MFHAS1: variants seen among roughly 807,000 people sequenced by gnomAD.
The protein encoded by MFHAS1 is multifunctional ROCO family signaling regulator 1, also known as malignant fibrous histiocytoma-amplified sequence 1.
A neutral mutation model predicts 70.4 loss-of-function variants in MFHAS1; 50 were observed. The ratio of observed to expected loss-of-function variants is 0.71; its 90% confidence interval spans 0.57 to 0.90. The LOEUF (loss-of-function observed/expected upper bound fraction) is 0.90. MFHAS1 is among the 40% of genes least tolerant of loss of function. MFHAS1 has a pLI of 0.00. For missense variants in MFHAS1, 1,795 were observed against 1,347.6 expected (o/e 1.33, Z -5.20); for synonymous variants, 952 against 620.0 (o/e 1.54, Z -7.96).
chr8:8,809,864 T>C (rs989557284), intron 1 of MFHAS1, among the ~76,000 whole-genome samples: 1 of 152,234 alleles, frequency 6.6e-6, no homozygotes, highest in Non-Finnish European at 1.5e-5. Context: ...TACTTCTTAC[T>C]GGAAAATGGT....
chr8:8,863,352 G>A (rs1459749715), intron 1 of MFHAS1, among the ~76,000 whole-genome samples: 1 of 152,292 alleles, frequency 6.6e-6, no homozygotes, highest in East Asian at 1.9e-4. Context: ...AACTGATGCT[G>A]TTACTCCCTC....
chr8:8,879,072 G>A (rs887323514), intron 1 of MFHAS1, among the ~76,000 whole-genome samples: 2 of 152,138 alleles, frequency 1.3e-5, no homozygotes, highest in Non-Finnish European at 2.9e-5. Context: ...ACTACTGCCA[G>A]GCATGGTGAC....
intron 1 of MFHAS1, among the ~76,000 whole-genome samples, chr8:8,854,453 C>T (rs1163843992): frequency 1.3e-5 from 2 of 151,792 alleles, no homozygotes; most frequent in Admixed American, 6.6e-5. Flanking sequence ...CCCGGGAGGC[C>T]GTACTTGCAG....
chr8:8,828,742 A>G (rs1331096589), intron 1 of MFHAS1, among the ~76,000 whole-genome samples: 4 of 152,252 alleles, frequency 2.6e-5, no homozygotes, highest in Non-Finnish European at 5.9e-5. Context: ...TTATCTGTGC[A>G]GTCCTCACGG....
At chr8:8,843,869 A>AT (rs1176763856) in intron 1 of MFHAS1, among the ~76,000 whole-genome samples, 1 of 152,248 alleles carries the variant, frequency 6.6e-6, no homozygotes, top group Non-Finnish European at 1.5e-5. Flanking sequence ...TGAAGAATTA[A>AT]TTACCTCTGT....
intron 1 of MFHAS1, among the ~76,000 whole-genome samples, chr8:8,875,164 T>G (rs146830004): frequency 6.6e-6 from 1 of 152,128 alleles, no homozygotes; most frequent in African/African-American, 2.4e-5. Context: ...TAAACGTGCA[T>G]TGAGATTTAA....
intron 1 of MFHAS1, among the ~76,000 whole-genome samples, chr8:8,852,051 C>T (rs561706985): frequency 5.8e-4 from 89 of 152,256 alleles, no homozygotes; most frequent in African/African-American, 2.0e-3. Flanking sequence ...GGTGGAATGC[C>T]GGCTTCCATT....
intron 1 of MFHAS1, among the ~76,000 whole-genome samples, chr8:8,838,502 A>C (rs1807688038): frequency 6.6e-6 from 1 of 152,198 alleles, no homozygotes; most frequent in African/African-American, 2.4e-5. Flanking sequence ...CACACCTTCT[A>C]ATAAGCCTCA....
At chr8:8,881,087 T>C (rs1809505563) in intron 1 of MFHAS1, among the ~76,000 whole-genome samples, 1 of 152,156 alleles carries the variant, frequency 6.6e-6, no homozygotes, top group Non-Finnish European at 1.5e-5. Flanking sequence ...CACATTCTTC[T>C]CCTGCTCCAA....
intron 1 of MFHAS1, among the ~76,000 whole-genome samples, chr8:8,867,720 G>T (rs1205056704): frequency 1.3e-5 from 2 of 151,918 alleles, no homozygotes; most frequent in Non-Finnish European, 2.9e-5. Context: ...ACCACACCCG[G>T]CTAATTTTTT....
At position 8,784,031 on chromosome 8, in the gene MFHAS1, G is replaced by T. The variant is rs928461025; in HGVS notation, c.*1991C>A. 1 of 152,150 alleles carries T rather than the reference G, an allele frequency of 6.6e-6. No individual in the cohort carries two copies. The highest frequency in any genetic ancestry group is 1.5e-5 in the Non-Finnish European group (1 of 68,022). The allele number at this position is 152,150 out of a possible 1,614,324, so 9.4% of individuals were successfully genotyped here. ...ACTGGTCAAAAATATTAGATATTAA[G>T]AATGTGGGCGTTTATGTTCGTAACA... On this transcript the variant is annotated 3_prime_UTR_variant, in exon 3 of 3. Coordinates refer to ENST00000276282, the MANE Select transcript of MFHAS1 (RefSeq NM_004225.3).
chr8:8,808,758 T>C (rs1262806041), intron 1 of MFHAS1, among the ~76,000 whole-genome samples: 2 of 152,158 alleles, frequency 1.3e-5, no homozygotes, highest in Non-Finnish European at 2.9e-5. Context: ...CCGGAAACGT[T>C]TTCCAATTGA....
At chr8:8,812,751 C>T (rs562199699) in intron 1 of MFHAS1, among the ~76,000 whole-genome samples, 1 of 152,226 alleles carries the variant, frequency 6.6e-6, no homozygotes, top group East Asian at 1.9e-4. Context: ...AAAATACAGT[C>T]AGGCACTGTC....
In MFHAS1 at chr8:8,890,506, T is replaced by C; in HGVS notation, c.2553A>G (p.Pro851=). Reference sequence around the variant, plus strand: ...GGGGCACCTCGTTCTGCACATAGCATGGGAACTTGTACCAAGCTGTGGACC... The same window carrying C: ...GGGGCACCTCGTTCTGCACATAGCACGGGAACTTGTACCAAGCTGTGGACC... ...LNGSTAWYKF[P]CYVQNEVPHA... Residue 851 remains proline, a synonymous_variant, in exon 1 of 3, where the codon CCA becomes CCG. Transcript: ENST00000276282. The C allele has an allele frequency of 6.2e-7, 1 of 1,613,700 alleles. No homozygotes were observed. The highest frequency in any genetic ancestry group is 1.3e-5 in the African/African-American group (1 of 75,068).
At chr8:8,846,013 GA>G (rs1174214075) in intron 1 of MFHAS1, among the ~76,000 whole-genome samples, 2 of 151,990 alleles carry the variant, frequency 1.3e-5, no homozygotes, top group African/African-American at 4.8e-5. Flanking sequence ...AGCAGTTTGG[GA>G]GGCCAAGGCA....
chr8:8,784,116 C>T lies in MFHAS1; in HGVS notation c.*1906G>A, dbSNP rs534732410. 2.6e-5 allele frequency: 4 copies of T among 152,114 alleles called. No homozygotes were observed. Among genetic ancestry groups the T allele is most frequent in the East Asian group, 1.9e-4 (1 of 5,182 alleles). The allele number at this position is 152,114 out of a possible 1,614,324, so 9.4% of individuals were successfully genotyped here. A position where few individuals can be genotyped will look rare whatever the true frequency, so the allele number is the denominator to read the frequency against. ...CATTTTTGTCATTTAATATGGTCCCCGGGGAGTTAGCCCAAAATCATACAA... is the reference window on the plus strand; with the variant it reads ...CATTTTTGTCATTTAATATGGTCCCTGGGGAGTTAGCCCAAAATCATACAA... On this transcript the variant is annotated 3_prime_UTR_variant, in exon 3 of 3. Transcript: ENST00000276282.
intron 1 of MFHAS1, among the ~76,000 whole-genome samples, chr8:8,799,479 G>C (rs958135882): frequency 6.6e-6 from 1 of 152,196 alleles, no homozygotes; most frequent in African/African-American, 2.4e-5. Flanking sequence ...ATTTCTGGCT[G>C]GGACAGTGGT....
At chr8:8,788,241 C>G (rs1190579355) in intron 2 of MFHAS1, among the ~76,000 whole-genome samples, 1 of 152,240 alleles carries the variant, frequency 6.6e-6, no homozygotes, top group Non-Finnish European at 1.5e-5. Context: ...TTTATGTATC[C>G]TCAACACCCG....
intron 1 of MFHAS1, among the ~76,000 whole-genome samples, chr8:8,847,184 TG>T (rs1203386398): frequency 1.3e-5 from 2 of 152,154 alleles, no homozygotes; most frequent in South Asian, 2.1e-4. Flanking sequence ...AAATATTTTT[TG>T]TTTTTTTTCT....
Sources: allele counts gnomAD v4.1 joint callset (sites outside exome capture counted in the v4.1 genomes callset), GRCh38; gene constraint gnomAD v4.1.1; transcripts MANE v1.5; gene names NCBI Gene and HGNC (gene_info 2026-07-23, HGNC 2026-07-21).